The following TEX26 variants were observed in gnomAD, a reference collection of about 807,000 sequenced individuals.
The protein encoded by TEX26 is testis expressed 26, also known as testis-expressed protein 26.
TEX26 carries 34 observed loss-of-function variants against 35.3 expected under a neutral mutation model. The observed-to-expected ratio is 0.96, with a 90% CI of 0.73 to 1.28. TEX26 has a LOEUF of 1.28. TEX26 is among the 50% of genes most tolerant of loss of function. The pLI, the probability that TEX26 is intolerant of heterozygous loss-of-function variation, is 0.00. For synonymous variants in TEX26, 136 were observed against 111.8 expected, an observed-to-expected ratio of 1.22 and a Z score of -1.36; for missense variants, 371 against 330.1, an observed-to-expected ratio of 1.12 and a Z score of -0.96.
intron 4 of TEX26, 73 bp downstream of exon 4, chr13:30,957,102 C>A (rs1023344948): frequency 2.1e-6 from 3 of 1,462,044 alleles, no homozygotes; most frequent in African/African-American, 1.4e-5. Flanking sequence ...CGGCAGCATG[C>A]GTGTGTTCTT....
At chr13:30,957,225 G>A (rs2138279297) in intron 4 of TEX26, among the ~76,000 whole-genome samples, 196 bp downstream of exon 4, 1 of 152,256 alleles carries the variant, frequency 6.6e-6, no homozygotes, top group South Asian at 2.1e-4. Flanking sequence ...TGGGCATACA[G>A]GAAGACATCC....
chr13:30,952,240 C>T (rs973817383), intron 2 of TEX26, among the ~76,000 whole-genome samples: 21 of 151,382 alleles, frequency 1.4e-4, no homozygotes, highest in South Asian at 8.4e-4. Flanking sequence ...CTGGCCATTG[C>T]CTAGATTCAT....
chr13:30,941,488 A>C (rs992133216), intron 2 of TEX26, among the ~76,000 whole-genome samples: 64 of 152,178 alleles, frequency 4.2e-4, no homozygotes, highest in African/African-American at 1.4e-3. Context: ...TCAGTATAAA[A>C]ATTTTAACTT....
intron 4 of TEX26, among the ~76,000 whole-genome samples, chr13:30,963,080 G>A (rs6561027): frequency 0.17 from 25,121 of 151,678 alleles, 2,382 homozygotes; most frequent in African/African-American, 0.27. Context: ...CACCCGCCTC[G>A]GCCTCTCAAA....
intron 2 of TEX26, among the ~76,000 whole-genome samples, chr13:30,940,553 T>C (rs2138185445): frequency 6.6e-6 from 1 of 152,070 alleles, no homozygotes; most frequent in East Asian, 1.9e-4. Flanking sequence ...CAGGACGGTC[T>C]TGATCTCCTG....
intron 4 of TEX26, among the ~76,000 whole-genome samples, chr13:30,961,254 G>T (rs1465428938): frequency 6.6e-6 from 1 of 152,152 alleles, no homozygotes; most frequent in Non-Finnish European, 1.5e-5. Context: ...CAGTTTTGCA[G>T]AGAATAAACT....
chr13:30,959,746 A>G (rs1373208463), intron 4 of TEX26, among the ~76,000 whole-genome samples: 2 of 152,196 alleles, frequency 1.3e-5, no homozygotes, highest in Non-Finnish European at 2.9e-5. Flanking sequence ...AAAAGAGAGG[A>G]GAGAAAAATA....
Position 30,939,799 on chromosome 13 carries a change from G to A in TEX26, c.146+21G>A, listed in dbSNP as rs766275299. On this transcript the variant is annotated intron_variant, in intron 2 of 6. Transcript: ENST00000380473. Reference sequence around the variant, plus strand: ...ATTCGGTAGATCATTATTTGTGTTGGATTGATATACATGTTTTAATTTGTT... The same window carrying A: ...ATTCGGTAGATCATTATTTGTGTTGAATTGATATACATGTTTTAATTTGTT... 22 of 1,590,000 alleles carry A rather than the reference G, an allele frequency of 1.4e-5. No individual in the cohort carries two copies. The African/African-American group carries it at 3.0e-4, about 21-fold the overall frequency.
At chr13:30,939,867 A>G in intron 2 of TEX26, 89 bp downstream of exon 2, 2 of 1,206,504 alleles carry the variant, frequency 1.7e-6, no homozygotes, top group Admixed American at 1.9e-5. Context: ...ATAGACAGTA[A>G]TTAGAGAAGC....
chr13:30,959,910 G>T (rs1333347226), intron 4 of TEX26, among the ~76,000 whole-genome samples: 2 of 152,082 alleles, frequency 1.3e-5, no homozygotes, highest in Non-Finnish European at 2.9e-5. Context: ...TGTTTCCAGG[G>T]GGTTGACATA....
rs560068162 is a variant in TEX26, at chr13:30,956,787, G to A, written c.313-86G>A. 5.1e-5 allele frequency: 64 copies of A among 1,254,526 alleles called. No homozygotes were observed. In the African/African-American group the frequency reaches 8.2e-4, roughly 16 times the overall value. The allele number at this position is 1,254,526 out of a possible 1,614,324, so 77.7% of individuals were successfully genotyped here. A position where few individuals can be genotyped will look rare whatever the true frequency, so the allele number is the denominator to read the frequency against. On this transcript the variant is annotated intron_variant, in intron 3 of 6. Coordinates refer to ENST00000380473, the MANE Select transcript of TEX26 (RefSeq NM_152325.3). ...GCAGCTGGTTGTAAAGGATTCTGAA[G>A]AATATGTGCACACAGACACTCAGAT...
chr13:30,959,084 T>C (rs1954241220), intron 4 of TEX26, among the ~76,000 whole-genome samples: 1 of 152,222 alleles, frequency 6.6e-6, no homozygotes, highest in Non-Finnish European at 1.5e-5. Flanking sequence ...TTATTAGAAC[T>C]ACCTCCTTCC....
intron 3 of TEX26, 94 bp downstream of exon 3, chr13:30,952,919 A>C: frequency 2.8e-6 from 3 of 1,082,036 alleles, no homozygotes; most frequent in Non-Finnish European, 2.7e-6. Flanking sequence ...AAGATCTCTC[A>C]GCTTCTACAG....
At chr13:30,937,544 T>C (rs74043602) in intron 1 of TEX26, among the ~76,000 whole-genome samples, 1,578 of 152,330 alleles carry the variant, frequency 0.01, 22 homozygotes, top group African/African-American at 0.037. Flanking sequence ...CACAATTTCT[T>C]CCCTTTTACT....
At chr13:30,972,358 AT>A (rs10714226) in intron 6 of TEX26, among the ~76,000 whole-genome samples, 3,954 of 152,342 alleles carry the variant, frequency 0.026, 159 homozygotes, top group African/African-American at 0.089. Context: ...TCAAATTGAC[AT>A]TAAAATTTTA....
rs1251445859 is a variant in TEX26, at chr13:30,932,721, A to G, written c.6A>G (p.Glu2=). Residue 2 remains glutamate (E), a synonymous_variant, in exon 1 of 7, where the codon GAA becomes GAG. Transcript: ENST00000380473. ...CGGCCGCCTCCTGGGGCAGAATGGA[A>G]CAGCCTGGGCCCAGGGCTCCGGATC... M[E]QPGPRAPDPS... 5 of 1,613,362 alleles carry G rather than the reference A, an allele frequency of 3.1e-6. No homozygotes were observed. The highest frequency in any genetic ancestry group is 2.7e-5 in the African/African-American group (2 of 74,934).
At chr13:30,953,031 A>G (rs1167687543) in intron 3 of TEX26, among the ~76,000 whole-genome samples, 1 of 152,112 alleles carries the variant, frequency 6.6e-6, no homozygotes, top group Non-Finnish European at 1.5e-5. Context: ...TTAAAAAAGG[A>G]CTTTTTAAAA....
At chr13:30,968,031 A>C (rs1191276641) in intron 5 of TEX26, among the ~76,000 whole-genome samples, 1 of 152,220 alleles carries the variant, frequency 6.6e-6, no homozygotes, top group Non-Finnish European at 1.5e-5. Flanking sequence ...GTAGGCAGTG[A>C]ATATCACCAT....
At chr13:30,941,426 T>A (rs28582187) in intron 2 of TEX26, among the ~76,000 whole-genome samples, 32,853 of 151,886 alleles carry the variant, frequency 0.22, 3,714 homozygotes, top group East Asian at 0.44. Context: ...ACTTAGGGAG[T>A]CTAGGTCAGT....
Sources: allele counts gnomAD v4.1 joint callset (sites outside exome capture counted in the v4.1 genomes callset), GRCh38; gene constraint gnomAD v4.1.1; transcripts MANE v1.5; gene names NCBI Gene and HGNC (gene_info 2026-07-23, HGNC 2026-07-21).